The following PIK3C2A variants were observed in gnomAD, a reference collection of about 807,000 sequenced individuals.
PIK3C2A encodes the protein phosphatidylinositol-4-phosphate 3-kinase catalytic subunit type 2 alpha.
Under a neutral mutation model 204.5 loss-of-function variants are expected in PIK3C2A, and 97 were observed. The ratio of observed to expected loss-of-function variants is 0.47; its 90% CI spans 0.40 to 0.56. PIK3C2A has a LOEUF of 0.56. Ranked by LOEUF, PIK3C2A falls within the 20% of genes least tolerant of loss-of-function variation. The probability of loss-of-function intolerance (pLI) is 0.00; values close to 1 mark genes in which losing one functional copy is unlikely to be tolerated. For missense variants in PIK3C2A, 1,735 were observed against 1,969.2 expected (o/e 0.88, Z 2.25); for synonymous variants, 653 against 664.4 (o/e 0.98, Z 0.26).
chr11:17,201,240 CT>C (rs1348991069), intron 1 of PIK3C2A, among the ~76,000 whole-genome samples: 1 of 151,294 alleles, frequency 6.6e-6, no homozygotes, highest in African/African-American at 2.4e-5. Context: ...TTGAAAACCC[CT>C]CCCTAGGCCT....
At chr11:17,196,086 A>C (rs1852144669) in intron 1 of PIK3C2A, among the ~76,000 whole-genome samples, 1 of 152,112 alleles carries the variant, frequency 6.6e-6, no homozygotes. Context: ...ACATACTATC[A>C]CATTGTGGAT....
chr11:17,136,563 A>G lies in PIK3C2A; in HGVS notation c.1767T>C (p.Asp589=). 6.3e-7 allele frequency: 1 copy of G among 1,599,134 alleles called. No homozygotes were observed. Among genetic ancestry groups the G allele is most frequent in the Non-Finnish European group, 8.6e-7 (1 of 1,166,778 alleles). ...KAVRKICSAL[D]GVETLAITES... ...CTGTAATGGCAAGAGTCTCGACACC[A>G]TCTAAAGCACTACAGATTTTTCTTA... Residue 589 remains aspartate, a synonymous_variant, in exon 9 of 33, where the codon GAT becomes GAC. Coordinates refer to ENST00000691414, the MANE Select transcript of PIK3C2A (RefSeq NM_002645.4).
At chr11:17,187,025 G>C (rs1017536419) in intron 1 of PIK3C2A, among the ~76,000 whole-genome samples, 1 of 152,178 alleles carries the variant, frequency 6.6e-6, no homozygotes, top group African/African-American at 2.4e-5. Context: ...CCTAGTGCCT[G>C]GGTGATAGAG....
rs755288547 is a variant in PIK3C2A at position 17,111,904 on chromosome 11, CA to C, written c.3414+669del. Among the ~76,000 whole-genome samples, 683 of 100,452 alleles carry C rather than the reference CA, an allele frequency of 6.8e-3. 4 individuals carry two copies. The highest frequency in any genetic ancestry group is 0.021 in the African/African-American group (575 of 27,146). The allele number at this position is 100,452 out of a possible 152,430, so 65.9% of individuals were successfully genotyped here. A position where few individuals can be genotyped will look rare whatever the true frequency, so the allele number is the denominator to read the frequency against. On this transcript the variant is annotated intron_variant, in intron 21 of 32. Coordinates refer to ENST00000691414, the MANE Select transcript of PIK3C2A (RefSeq NM_002645.4). ...AAACAAAAAAAAAAAAAAAAAAATT[CA>C]AAAAAAAAAAAAACTTAACACATAA... is the stretch of plus-strand genomic sequence containing the variant.
intron 9 of PIK3C2A, among the ~76,000 whole-genome samples, chr11:17,135,672 CAT>C (rs1315728226): frequency 9.2e-6 from 1 of 108,802 alleles, no homozygotes; most frequent in East Asian, 2.5e-4. Context: ...CAAGTAATTT[CAT>C]ATATGTGTGT....
chr11:17,164,117 C>G (rs10741723), intron 2 of PIK3C2A, among the ~76,000 whole-genome samples: 1 of 152,012 alleles, frequency 6.6e-6, no homozygotes, highest in Admixed American at 6.5e-5. Flanking sequence ...CTGAAAACTA[C>G]AGTCTTCTCT....
At chr11:17,206,135 C>T (rs1036451709) in intron 1 of PIK3C2A, among the ~76,000 whole-genome samples, 1 of 152,078 alleles carries the variant, frequency 6.6e-6, no homozygotes, top group African/African-American at 2.4e-5. Flanking sequence ...AATTGTAAAA[C>T]CTGTGATGAA....
intron 1 of PIK3C2A, among the ~76,000 whole-genome samples, chr11:17,206,943 C>A (rs1852601765): frequency 6.6e-6 from 1 of 152,160 alleles, no homozygotes; most frequent in South Asian, 2.1e-4. Flanking sequence ...ATTCAAACCC[C>A]CACTGTTCAA....
chr11:17,133,219 CCTCATTA>C (rs1849756888), intron 11 of PIK3C2A, among the ~76,000 whole-genome samples: 1 of 151,992 alleles, frequency 6.6e-6, no homozygotes, highest in Non-Finnish European at 1.5e-5. Flanking sequence ...TATTTGTTCA[CCTCATTA>C]GTGTCCCTAT....
intron 31 of PIK3C2A, 25 bp from the exon 32 acceptor site, chr11:17,091,484 T>TGA: frequency 1.2e-6 from 2 of 1,610,458 alleles, no homozygotes; most frequent in Admixed American, 3.4e-5. Flanking sequence ...AGTCCCTTAA[T>TGA]AGTAATGCTT....
intron 3 of PIK3C2A, among the ~76,000 whole-genome samples, chr11:17,152,877 A>G (rs532152198): frequency 6.6e-6 from 1 of 152,268 alleles, no homozygotes; most frequent in African/African-American, 2.4e-5. Flanking sequence ...AAATAAATTA[A>G]TATTATTCTA....
At chr11:17,129,609 G>C in intron 12 of PIK3C2A, 142 bp from the exon 13 acceptor site, 1 of 640,012 alleles carries the variant, frequency 1.6e-6, no homozygotes, top group Admixed American at 3.0e-5. Context: ...TTATTTTATT[G>C]AGAAGGCGTT....
chr11:17,112,406 T>C (rs574265163), intron 21 of PIK3C2A, among the ~76,000 whole-genome samples, 168 bp downstream of exon 21: 2 of 152,232 alleles, frequency 1.3e-5, no homozygotes, highest in South Asian at 4.2e-4. Flanking sequence ...TAAGCCGAGA[T>C]GGTGCCACTG....
chr11:17,203,260 A>T (rs1852449517), intron 1 of PIK3C2A, among the ~76,000 whole-genome samples: 1 of 152,058 alleles, frequency 6.6e-6, no homozygotes, highest in African/African-American at 2.4e-5. Flanking sequence ...TGGGAGGCCA[A>T]GATGGGAGGA....
intron 18 of PIK3C2A, among the ~76,000 whole-genome samples, chr11:17,118,076 CTTTTTTTTT>C (rs35483291): frequency 1.2e-3 from 159 of 136,848 alleles, no homozygotes; most frequent in African/African-American, 4.1e-3. Flanking sequence ...ATTTTTTTTT[CTTTTTTTTT>C]TTTTGAGACC....
chr11:17,167,710 T>C (rs911276440), intron 2 of PIK3C2A, among the ~76,000 whole-genome samples: 3 of 152,182 alleles, frequency 2.0e-5, no homozygotes, highest in Non-Finnish European at 2.9e-5. Context: ...CCCATCTAAA[T>C]GCTAGTTAAC....
chr11:17,188,825 T>C (rs879501229), intron 1 of PIK3C2A, among the ~76,000 whole-genome samples: 2 of 146,854 alleles, frequency 1.4e-5, no homozygotes, highest in South Asian at 2.1e-4. Flanking sequence ...CAGAAATCCA[T>C]CTGAGGTAAT....
chr11:17,130,914 C>T (rs936069651), intron 12 of PIK3C2A, among the ~76,000 whole-genome samples: 21 of 151,622 alleles, frequency 1.4e-4, no homozygotes, highest in Non-Finnish European at 2.8e-4. Context: ...CGGCTAGACG[C>T]GGTGGCTCAC....
intron 1 of PIK3C2A, among the ~76,000 whole-genome samples, chr11:17,202,913 G>C (rs1852439337): frequency 6.6e-6 from 1 of 152,132 alleles, no homozygotes; most frequent in Non-Finnish European, 1.5e-5. Flanking sequence ...CTGTTATACT[G>C]TAATACTAAC....
Sources: gnomAD v4.1 joint callset for allele counts (sites outside exome capture counted in the v4.1 genomes callset) on GRCh38, gnomAD v4.1.1 for gene constraint, MANE v1.5 for transcripts, NCBI Gene and HGNC (gene_info 2026-07-23, HGNC 2026-07-21) for gene names.